The following GAK variants were observed in gnomAD, a reference collection of about 807,000 sequenced individuals.
GAK encodes the protein cyclin G associated kinase, also known as cyclin-G-associated kinase.
A neutral mutation model predicts 143.9 loss-of-function variants in GAK; 79 were observed. The observed-to-expected ratio is 0.55, with a 90% CI of 0.46 to 0.66. GAK has a LOEUF of 0.66. GAK is among the 30% of genes least tolerant of loss of function. The pLI is 0.00. For synonymous variants in GAK, 881 were observed against 765.5 expected, an observed-to-expected ratio of 1.15 and a Z score of -2.49; for missense variants, 1,693 against 1,779.7, an observed-to-expected ratio of 0.95 and a Z score of 0.88.
chr4:916,477 C>T (rs561524464), intron 1 of GAK, among the ~76,000 whole-genome samples: 5 of 152,272 alleles, frequency 3.3e-5, no homozygotes, highest in Non-Finnish European at 5.9e-5. Context: ...CGGGTCTAGC[C>T]TCCCAAAGTG....
In GAK at chr4:870,936, G is replaced by A. The variant is rs371478080; in HGVS notation, c.2055-32C>T. ...TTACAAGTAGACACCACTTAGGAAG[G>A]CCACCCAAGTAGTCTGTAAGTCCTT... is the stretch of plus-strand genomic sequence containing the variant. On this transcript the variant is annotated intron_variant, in intron 18 of 27. Coordinates refer to ENST00000314167, the MANE Select transcript of GAK (RefSeq NM_005255.4). 6.4e-6 allele frequency: 10 copies of A among 1,568,418 alleles called. No homozygotes were observed. The African/African-American group carries it at 9.6e-5, about 15-fold the overall frequency.
At chr4:868,942 C>G in intron 19 of GAK, 1 of 499,162 alleles carries the variant, frequency 2.0e-6, no homozygotes, top group Non-Finnish European at 3.6e-6. Flanking sequence ...GAACCCACCA[C>G]TGAGGCATCA....
chr4:884,475 G>A (rs535127412), intron 11 of GAK: 21 of 225,186 alleles, frequency 9.3e-5, no homozygotes, highest in African/African-American at 3.0e-4. Flanking sequence ...CGATGGTCAC[G>A]GGTCATGCCA....
At chr4:871,046 C>T (rs574960973) in intron 18 of GAK, 142 bp from the exon 19 acceptor site, 51 of 713,184 alleles carry the variant, frequency 7.2e-5, no homozygotes, top group African/African-American at 4.5e-4. Context: ...CGGCCACCCC[C>T]GCCTGCGGAA....
rs577130123 is a variant in GAK, at chr4:888,964, G to A, written c.1088C>T (p.Ala363Val). ...PAGSGYSGGL[A>V]LAEYDQPYGG... Reference sequence around the variant, plus strand: ...ATACGGCTGGTCGTACTCCGCCAGCGCCAGGCCTGCAGGGAGACACAGTCT... The same window carrying A: ...ATACGGCTGGTCGTACTCCGCCAGCACCAGGCCTGCAGGGAGACACAGTCT... The change falls in exon 11 of 28, where the codon GCG becomes GTG. Residue 363 changes from alanine (A) to valine (V), a missense_variant. Around this residue, in one of 2 missense-constraint regions of GAK, gnomAD observed 871 missense variants for 991.0 expected, o/e 0.88. Coordinates refer to ENST00000314167, the MANE Select transcript of GAK (RefSeq NM_005255.4). 1.9e-5 allele frequency: 31 copies of A among 1,610,748 alleles called. No individual in the cohort carries two copies. Among genetic ancestry groups the A allele is most frequent in the Non-Finnish European group, 2.4e-5 (28 of 1,179,414 alleles).
chr4:903,849 G>A (rs571138594), intron 5 of GAK, among the ~76,000 whole-genome samples: 2 of 152,244 alleles, frequency 1.3e-5, no homozygotes, highest in Non-Finnish European at 2.9e-5. Flanking sequence ...TATTCCAGAC[G>A]GAAGCTCCAG....
intron 23 of GAK, among the ~76,000 whole-genome samples, chr4:860,283 C>T (rs12651271): frequency 0.093 from 13,908 of 149,820 alleles, 807 homozygotes; most frequent in South Asian, 0.18. Context: ...CAGGGGTTGA[C>T]GGCTGCAGTG....
intron 24 of GAK, chr4:859,371 G>C: frequency 6.8e-7 from 1 of 1,470,520 alleles, no homozygotes; most frequent in Non-Finnish European, 9.0e-7. Flanking sequence ...CCACAATGCC[G>C]GTGGGGGCTG....
Position 898,881 on chromosome 4 carries a change from A to G in GAK, c.526-723T>C, listed in dbSNP as rs141278257. ...CCGACTCAAAAAAAAAAAAGTATAC[A>G]GAGACACAAAGAACTAGAAAGGGCC... is the stretch of plus-strand genomic sequence containing the variant. On this transcript the variant is annotated intron_variant, in intron 5 of 27. Transcript: ENST00000314167. Among the ~76,000 whole-genome samples, 984 of 152,120 alleles carry G rather than the reference A, an allele frequency of 6.5e-3. 9 individuals are homozygous for G. Among genetic ancestry groups the G allele is most frequent in the African/African-American group, 0.022 (917 of 41,506 alleles).
chr4:850,835 G>T, intron 26 of GAK, 101 bp downstream of exon 26: 1 of 1,333,126 alleles, frequency 7.5e-7, no homozygotes, highest in African/African-American at 1.5e-5. Flanking sequence ...GGGGTGAAAG[G>T]TTGCTGTCTG....
chr4:867,459 C>G, intron 20 of GAK, 27 bp from the exon 21 acceptor site: 1 of 1,490,092 alleles, frequency 6.7e-7, no homozygotes, highest in Non-Finnish European at 9.0e-7. Context: ...AAACCACAGG[C>G]TAGTGAGACC....
At chr4:897,018 A>C (rs1001500181) in intron 6 of GAK, among the ~76,000 whole-genome samples, 2 of 151,620 alleles carry the variant, frequency 1.3e-5, no homozygotes, top group African/African-American at 4.8e-5. Context: ...AACAATGGAG[A>C]GCCTCACAAA....
intron 26 of GAK, 39 bp downstream of exon 26, chr4:850,897 G>A (rs1748023374): frequency 1.3e-6 from 2 of 1,598,898 alleles, no homozygotes; most frequent in East Asian, 2.2e-5. Context: ...CATGGGTTGA[G>A]GCCTCTGGGC....
At chr4:871,482 A>G (rs929449534) in intron 18 of GAK, among the ~76,000 whole-genome samples, 15 of 152,272 alleles carry the variant, frequency 9.9e-5, no homozygotes, top group Non-Finnish European at 2.1e-4. Flanking sequence ...ACAGATGCCC[A>G]TAAAACCAAG....
intron 5 of GAK, 70 bp from the exon 6 acceptor site, chr4:898,228 G>C (rs537869430): frequency 1.3e-6 from 2 of 1,578,516 alleles, no homozygotes; most frequent in Admixed American, 1.7e-5. Flanking sequence ...GAAAACGAAC[G>C]GGTGTGAGAC....
chr4:903,088 C>T (rs906266227), intron 5 of GAK, among the ~76,000 whole-genome samples: 6 of 150,666 alleles, frequency 4.0e-5, no homozygotes, highest in Non-Finnish European at 5.9e-5. Context: ...ACATGGAAAC[C>T]GCGCAGTGCC....
chr4:916,786 G>A (rs770125220), intron 1 of GAK, among the ~76,000 whole-genome samples: 1 of 152,198 alleles, frequency 6.6e-6, no homozygotes, highest in Non-Finnish European at 1.5e-5. Flanking sequence ...ACATGTTGGC[G>A]ATTTCTTAAA....
rs764527121 is a variant in GAK, at chr4:882,711, C to T, written c.1513G>A (p.Val505Ile). The T allele has an allele frequency of 1.7e-5, 27 of 1,612,300 alleles. No homozygotes were observed. The highest frequency in any genetic ancestry group is 1.1e-4 in the South Asian group (10 of 91,064). Residue 505 changes from valine (V) to isoleucine (I), a missense_variant, in exon 14 of 28, where the codon GTC becomes ATC. Coordinates refer to ENST00000314167, the MANE Select transcript of GAK (RefSeq NM_005255.4). ...CTCGAGCTCACCATGCAGTGCACGA[C>T]GCAGACGTTCTTGTGGTCCTGCCGC... ...WLRQDHKNVCVVHCMDGRAAS... is the reference protein window; with the variant it reads ...WLRQDHKNVCIVHCMDGRAAS...
intron 1 of GAK, among the ~76,000 whole-genome samples, chr4:931,187 C>A (rs1234904995): frequency 6.6e-6 from 1 of 152,216 alleles, no homozygotes; most frequent in East Asian, 1.9e-4. Context: ...GAGAGGACAT[C>A]CAGGGAGCTA....
Sources: allele counts gnomAD v4.1 joint callset (sites outside exome capture counted in the v4.1 genomes callset), GRCh38; gene constraint gnomAD v4.1.1; regional missense constraint gnomAD v4.1.1; transcripts MANE v1.5; gene names NCBI Gene and HGNC (gene_info 2026-07-23, HGNC 2026-07-21).